KIRREL3: variants seen among roughly 807,000 people sequenced by gnomAD.
KIRREL3 encodes kirre like nephrin family adhesion molecule 3.
In KIRREL3, 36 loss-of-function variants were observed where a neutral mutation model predicts 89.7. That is an observed-to-expected ratio of 0.40 (90% CI 0.31 to 0.53). The LOEUF is 0.53. Among genes scored for constraint, KIRREL3 ranks in the 20% least tolerant of loss-of-function variants. The pLI, the probability that KIRREL3 is intolerant of heterozygous loss-of-function variation, is 0.49. For missense variants in KIRREL3, 864 were observed against 1,056.6 expected (o/e 0.82, Z 2.53); for synonymous variants, 445 against 441.4 (o/e 1.01, Z -0.10).
rs1311232755 is a variant in KIRREL3 at position 126,999,173 on chromosome 11, C to T, written c.55+1282G>A. On this transcript the variant is annotated intron_variant, in intron 1 of 16. Transcript: ENST00000525144. The surrounding 1 kb of genome is among the most constrained non-coding windows in gnomAD (Gnocchi z 5.7). Reference sequence around the variant, plus strand: ...GAGTGTGTGTGTGTGTGTGTGTGTACATACATTATCATTATACACAGGCAT... The same window carrying T: ...GAGTGTGTGTGTGTGTGTGTGTGTATATACATTATCATTATACACAGGCAT... Among the ~76,000 whole-genome samples the T allele has an allele frequency of 8.1e-6, 1 of 123,884 alleles. No homozygotes were observed. Among genetic ancestry groups the T allele is most frequent in the Non-Finnish European group, 1.7e-5 (1 of 60,474 alleles). The allele number at this position is 123,884 out of a possible 152,430, so 81.3% of individuals were successfully genotyped here.
rs1323307080 is a variant in KIRREL3, at chr11:126,797,233, C to T, written c.55+203222G>A. On this transcript the variant is annotated intron_variant, in intron 1 of 16. Transcript: ENST00000525144. This position sits in a 1 kb window ranked among gnomAD's most constrained non-coding sequence, Gnocchi z 4.9. The stretch of plus-strand genomic sequence containing the variant: ...ATATGGGACCAATTTGAATTTAGAT[C>T]CCACCTCTGCCACTTATTGACCTCT... Among the ~76,000 whole-genome samples the T allele has an allele frequency of 6.6e-6, 1 of 152,112 alleles. No individual in the cohort carries two copies. The highest frequency in any genetic ancestry group is 1.5e-5 in the Non-Finnish European group (1 of 68,008).
rs187356718 is a variant in KIRREL3, at chr11:126,484,640, T to C, written c.434-11174A>G. ...TTAAAAAATGGTAGTGTAAGTATGT[T>C]TATCTGAAATTCACATTTAACAGGG... On this transcript the variant is annotated intron_variant, in intron 4 of 16. Transcript: ENST00000525144. This position sits in a 1 kb window ranked among gnomAD's most constrained non-coding sequence, Gnocchi z 5.2. 2.8e-4 allele frequency among the ~76,000 whole-genome samples: 43 copies of C among 152,322 alleles called. No homozygotes were observed. Among genetic ancestry groups the C allele is most frequent in the African/African-American group, 9.1e-4 (38 of 41,564 alleles).
At chr11:126,660,828 T>C (rs1404275951) in intron 1 of KIRREL3, among the ~76,000 whole-genome samples, 3 of 152,144 alleles carry the variant, frequency 2.0e-5, no homozygotes, top group African/African-American at 7.2e-5. Context: ...TGCAATATGG[T>C]TTTCCCTGGG....
rs914726325 is a variant in KIRREL3 at position 126,905,613 on chromosome 11, A to T, written c.55+94842T>A. Among the ~76,000 whole-genome samples the T allele has an allele frequency of 3.3e-5, 5 of 152,086 alleles. No individual in the cohort carries two copies. Among genetic ancestry groups the T allele is most frequent in the South Asian group, 2.1e-4 (1 of 4,830 alleles). On this transcript the variant is annotated intron_variant, in intron 1 of 16. Coordinates refer to ENST00000525144, the MANE Select transcript of KIRREL3 (RefSeq NM_032531.4). The surrounding 1 kb of genome is among the most constrained non-coding windows in gnomAD (Gnocchi z 5.0). The stretch of plus-strand genomic sequence containing the variant: ...GACCCACAAGAGCATTGCAAGCCTC[A>T]TCCTGCACAGTGGCTTGGTGTGTGA...
At position 126,468,070 on chromosome 11, in the gene KIRREL3, C is replaced by T. The variant is rs145754289; in HGVS notation, c.592-4763G>A. ...AAGGGGCTCCAAGCAGACACAGACACGACTGTGCGTGCTAAGACCTTGCAA... is the reference window on the plus strand; with the variant it reads ...AAGGGGCTCCAAGCAGACACAGACATGACTGTGCGTGCTAAGACCTTGCAA... On this transcript the variant is annotated intron_variant, in intron 5 of 16. Coordinates refer to ENST00000525144, the MANE Select transcript of KIRREL3 (RefSeq NM_032531.4). 3.2e-3 allele frequency among the ~76,000 whole-genome samples: 488 copies of T among 152,312 alleles called. 3 individuals carry two copies. The highest frequency in any genetic ancestry group is 0.011 in the African/African-American group (444 of 41,576).
intron 1 of KIRREL3, among the ~76,000 whole-genome samples, chr11:126,760,334 C>T (rs1435233567): frequency 6.6e-6 from 1 of 152,188 alleles, no homozygotes; most frequent in African/African-American, 2.4e-5. Context: ...GAGATGAGAA[C>T]TCATAGAGAG....
intron 1 of KIRREL3, among the ~76,000 whole-genome samples, chr11:126,815,681 C>T (rs567873888): frequency 2.9e-4 from 44 of 152,176 alleles, no homozygotes; most frequent in African/African-American, 9.6e-4. Context: ...CTACAGGCAG[C>T]CGCCACCACG....
chr11:126,663,446 A>G (rs921498109), intron 1 of KIRREL3, among the ~76,000 whole-genome samples: 11 of 151,970 alleles, frequency 7.2e-5, no homozygotes, highest in African/African-American at 2.2e-4. Flanking sequence ...CGGCCTCCCA[A>G]CGTGCTGGGA....
At chr11:126,433,824 A>T (rs1955221314) in intron 13 of KIRREL3, among the ~76,000 whole-genome samples, 1 of 152,238 alleles carries the variant, frequency 6.6e-6, no homozygotes, top group African/African-American at 2.4e-5. Context: ...GGCTTGTCTC[A>T]GCGGAACTCA....
At chr11:126,457,370 C>A (rs544041251) in intron 6 of KIRREL3, among the ~76,000 whole-genome samples, 1 of 149,694 alleles carries the variant, frequency 6.7e-6, no homozygotes, top group East Asian at 2.0e-4. Context: ...TGTGTGTATG[C>A]GTGTATGTGT....
At position 126,985,727 on chromosome 11, in the gene KIRREL3, G is replaced by A. The variant is rs189909290; in HGVS notation, c.55+14728C>T. ...TGAGACTCTTTGTCCTGAAGGTGTC[G>A]GGATGCTGTCAAAGGAACGTACACC... On this transcript the variant is annotated intron_variant, in intron 1 of 16. Transcript: ENST00000525144. This position sits in a 1 kb window ranked among gnomAD's most constrained non-coding sequence, Gnocchi z 5.3. Among the ~76,000 whole-genome samples, 22 of 152,202 alleles carry A rather than the reference G, an allele frequency of 1.4e-4. No homozygotes were observed. The highest frequency in any genetic ancestry group is 4.3e-4 in the African/African-American group (18 of 41,532).
Position 126,703,122 on chromosome 11 carries a change from G to A in KIRREL3, c.56-140210C>T, listed in dbSNP as rs1253522008. Among the ~76,000 whole-genome samples the A allele has an allele frequency of 2.0e-5, 3 of 152,228 alleles. No individual in the cohort carries two copies. The highest frequency in any genetic ancestry group is 4.4e-5 in the Non-Finnish European group (3 of 68,034). Reference sequence around the variant, plus strand: ...CTGTGAATCCTGGTCAGGTGGGGGTGGCTGGGCTGGGGCAGGAGACACTGT... The same window carrying A: ...CTGTGAATCCTGGTCAGGTGGGGGTAGCTGGGCTGGGGCAGGAGACACTGT... On this transcript the variant is annotated intron_variant, in intron 1 of 16. Transcript: ENST00000525144. The surrounding 1 kb of genome is among the most constrained non-coding windows in gnomAD (Gnocchi z 4.6).
rs541207707 is a variant in KIRREL3, at chr11:126,686,985, C to A, written c.56-124073G>T. On this transcript the variant is annotated intron_variant, in intron 1 of 16. Transcript: ENST00000525144. This position sits in a 1 kb window ranked among gnomAD's most constrained non-coding sequence, Gnocchi z 4.7. ...TCAGAAGGCCTGACAGAGATGACAT[C>A]CCTGGAACTGCAGTAGAGGAGTATG... Among the ~76,000 whole-genome samples, 1 of 152,248 alleles carries A rather than the reference C, an allele frequency of 6.6e-6. No homozygotes were observed. Among genetic ancestry groups the A allele is most frequent in the South Asian group, 2.1e-4 (1 of 4,814 alleles).
At chr11:126,582,497 G>C (rs1244421426) in intron 1 of KIRREL3, among the ~76,000 whole-genome samples, 2 of 152,232 alleles carry the variant, frequency 1.3e-5, no homozygotes, top group Non-Finnish European at 2.9e-5. Flanking sequence ...ATGAAACCCA[G>C]TGAAGCAAGG....
chr11:126,473,287 CCCCCT>C lies in KIRREL3; in HGVS notation c.591+17_591+21del. ...TCCCCTTGAAGCCCGTCCACACCCA[CCCCCT>C]CCCCTCCAGGCCTCACCTTGGAGTA... On this transcript the variant is annotated intron_variant, in intron 5 of 16. Transcript: ENST00000525144. The C allele has an allele frequency of 2.5e-6, 3 of 1,213,036 alleles. No homozygotes were observed. The highest frequency in any genetic ancestry group is 2.2e-6 in the Non-Finnish European group (2 of 915,996). 75.1% of individuals were successfully genotyped at this position (1,213,036 alleles called of 1,614,324 possible). A position where few individuals can be genotyped will look rare whatever the true frequency, so the allele number is the denominator to read the frequency against.
At chr11:126,497,699 CT>C (rs1210955710) in intron 4 of KIRREL3, among the ~76,000 whole-genome samples, 1 of 152,200 alleles carries the variant, frequency 6.6e-6, no homozygotes, top group African/African-American at 2.4e-5. Context: ...TGAGAAGTCA[CT>C]GATTTTTCTC....
chr11:126,672,353 CA>C (rs1367159882), intron 1 of KIRREL3, among the ~76,000 whole-genome samples: 1 of 152,002 alleles, frequency 6.6e-6, no homozygotes, highest in East Asian at 1.9e-4. Flanking sequence ...CACTTTACTA[CA>C]AATAAAGTTG....
In KIRREL3 at chr11:126,883,604, G is replaced by T. The variant is rs1007189773; in HGVS notation, c.55+116851C>A. On this transcript the variant is annotated intron_variant, in intron 1 of 16. Coordinates refer to ENST00000525144, the MANE Select transcript of KIRREL3 (RefSeq NM_032531.4). The surrounding 1 kb of genome is among the most constrained non-coding windows in gnomAD (Gnocchi z 4.1). ...CAGTGGAGAATGCTCCAGGAAGAAT[G>T]TATTGTTCTTACGTCAGCACTCCCA... Among the ~76,000 whole-genome samples the T allele has an allele frequency of 6.6e-6, 1 of 152,080 alleles. No individual in the cohort carries two copies. The highest frequency in any genetic ancestry group is 1.5e-5 in the Non-Finnish European group (1 of 68,022).
At chr11:126,774,555 G>T (rs929389931) in intron 1 of KIRREL3, among the ~76,000 whole-genome samples, 1 of 152,214 alleles carries the variant, frequency 6.6e-6, no homozygotes, top group Non-Finnish European at 1.5e-5. Flanking sequence ...GGAGCAGCTT[G>T]AGCGTGCAGT....
Sources: allele counts gnomAD v4.1 joint callset (sites outside exome capture counted in the v4.1 genomes callset), GRCh38; gene constraint gnomAD v4.1.1; non-coding constraint Gnocchi (gnomAD v3.1); transcripts MANE v1.5; gene names NCBI Gene and HGNC (gene_info 2026-07-23, HGNC 2026-07-21).